The following CPM variants were observed in gnomAD, a reference collection of about 807,000 sequenced individuals.
CPM encodes the protein carboxypeptidase M.
A neutral mutation model predicts 46.4 loss-of-function variants in CPM; 35 were observed. That is an observed-to-expected ratio of 0.75 (90% confidence interval 0.58 to 1.00). The LOEUF (loss-of-function observed/expected upper bound fraction) is 1.00, where lower values mean the gene tolerates loss of function less well. CPM is among the 50% of genes least tolerant of loss of function. The pLI, the probability that CPM is intolerant of heterozygous loss-of-function variation, is 0.00. For synonymous variants in CPM, 195 were observed against 195.3 expected, an observed-to-expected ratio of 1.00 and a Z score of 0.01; for missense variants, 422 against 530.4, an observed-to-expected ratio of 0.80 and a Z score of 2.01.
At chr12:68,888,069 C>T (rs1886511659) in intron 2 of CPM, among the ~76,000 whole-genome samples, 1 of 152,150 alleles carries the variant, frequency 6.6e-6, no homozygotes, top group Non-Finnish European at 1.5e-5. Flanking sequence ...GCTGTTATAC[C>T]TGGCTTTTAA....
chr12:68,901,755 A>G (rs1887123229), intron 2 of CPM, among the ~76,000 whole-genome samples: 1 of 152,208 alleles, frequency 6.6e-6, no homozygotes, highest in Admixed American at 6.5e-5. Context: ...GGATGGAGTG[A>G]AGGGGAAGGA....
At chr12:68,907,907 C>T (rs1887421332) in intron 2 of CPM, among the ~76,000 whole-genome samples, 2 of 152,162 alleles carry the variant, frequency 1.3e-5, no homozygotes, top group Admixed American at 6.5e-5. Context: ...GGGCTCATTG[C>T]AATCTCCGCC....
chr12:68,906,083 G>A (rs748740907), intron 2 of CPM, among the ~76,000 whole-genome samples: 28 of 152,196 alleles, frequency 1.8e-4, no homozygotes, highest in Non-Finnish European at 1.5e-5. Context: ...GCACCAGGCT[G>A]TTTTCCTACC....
At chr12:68,858,519 G>C (rs2136215917) in intron 8 of CPM, among the ~76,000 whole-genome samples, 1 of 152,210 alleles carries the variant, frequency 6.6e-6, no homozygotes, top group East Asian at 1.9e-4. Context: ...TGAATTCTAA[G>C]GAACTTTATC....
intron 3 of CPM, among the ~76,000 whole-genome samples, chr12:68,880,919 T>G (rs998606644): frequency 6.6e-6 from 1 of 152,208 alleles, no homozygotes; most frequent in Non-Finnish European, 1.5e-5. Flanking sequence ...GGAAGGTCAC[T>G]GAAGACAAGA....
intron 7 of CPM, among the ~76,000 whole-genome samples, chr12:68,861,128 T>C (rs1885191874): frequency 1.3e-5 from 2 of 152,144 alleles, no homozygotes; most frequent in South Asian, 2.1e-4. Context: ...ATGATCTACC[T>C]TGGCCTCCCA....
intron 1 of CPM, among the ~76,000 whole-genome samples, chr12:68,945,077 G>T (rs969603785): frequency 1.3e-5 from 2 of 152,138 alleles, no homozygotes; most frequent in Non-Finnish European, 2.9e-5. Flanking sequence ...AATTGGGGAA[G>T]TCACAAATCT....
At chr12:68,942,185 G>A (rs118040512) in intron 1 of CPM, among the ~76,000 whole-genome samples, 2,256 of 152,256 alleles carry the variant, frequency 0.015, 81 homozygotes, top group East Asian at 0.14. Context: ...TCTAGAAATT[G>A]TGGCTGTGTT....
At chr12:68,894,497 C>A (rs1886786472) in intron 2 of CPM, among the ~76,000 whole-genome samples, 1 of 152,156 alleles carries the variant, frequency 6.6e-6, no homozygotes, top group Non-Finnish European at 1.5e-5. Context: ...CCACAGGAGG[C>A]AGGTTCCTTT....
chr12:68,845,389 A>G (rs1057196546), intron 5 of CPM: 5 of 210,254 alleles, frequency 2.4e-5, no homozygotes, highest in Admixed American at 1.2e-4. Flanking sequence ...AAATTATAAA[A>G]TGAGCTAACA....
At chr12:68,915,597 A>T (rs1144961) in intron 2 of CPM, among the ~76,000 whole-genome samples, 1 of 152,122 alleles carries the variant, frequency 6.6e-6, no homozygotes, top group African/African-American at 2.4e-5. Context: ...CCTACACTGC[A>T]CTGTTGACTG....
At chr12:68,945,958 T>A (rs1352552316) in intron 1 of CPM, among the ~76,000 whole-genome samples, 4 of 149,264 alleles carry the variant, frequency 2.7e-5, no homozygotes, top group Non-Finnish European at 5.9e-5. Flanking sequence ...GCTAAAGTGA[T>A]CCTGCCATCT....
At chr12:68,919,390 A>G (rs1887943257) in intron 2 of CPM, among the ~76,000 whole-genome samples, 1 of 152,196 alleles carries the variant, frequency 6.6e-6, no homozygotes, top group Non-Finnish European at 1.5e-5. Flanking sequence ...CTCCCTCACT[A>G]GCACATGTAA....
chr12:68,891,619 G>GT (rs1886656583), intron 2 of CPM, among the ~76,000 whole-genome samples: 1 of 152,238 alleles, frequency 6.6e-6, no homozygotes. Flanking sequence ...GGTACCAAGA[G>GT]TATCAGTATC....
chr12:68,918,424 A>T (rs1887899284), intron 2 of CPM, among the ~76,000 whole-genome samples: 1 of 152,180 alleles, frequency 6.6e-6, no homozygotes, highest in Admixed American at 6.5e-5. Context: ...ATACCTCCTG[A>T]GGAGTTCACA....
At chr12:68,929,636 C>T (rs971399722) in intron 2 of CPM, among the ~76,000 whole-genome samples, 1 of 152,040 alleles carries the variant, frequency 6.6e-6, no homozygotes, top group East Asian at 1.9e-4. Context: ...AAAATAAAAA[C>T]GTTTTTAAAA....
chr12:68,906,140 A>G (rs916498816), intron 2 of CPM, among the ~76,000 whole-genome samples: 20 of 152,146 alleles, frequency 1.3e-4, no homozygotes, highest in Non-Finnish European at 1.3e-4. Flanking sequence ...CTTTTGCTCT[A>G]CTTATAGAGT....
chr12:68,963,033 G>A (rs754949040), intron 1 of CPM: 3 of 152,616 alleles, frequency 2.0e-5, no homozygotes, highest in African/African-American at 4.8e-5. Flanking sequence ...ACATAGGCAG[G>A]GCCTCTTGAG....
intron 2 of CPM, among the ~76,000 whole-genome samples, chr12:68,916,309 T>G (rs967347153): frequency 2.6e-5 from 4 of 152,184 alleles, no homozygotes; most frequent in Non-Finnish European, 5.9e-5. Context: ...TTCCTTTCTG[T>G]GTGATCTGTG....
Sources: allele counts gnomAD v4.1 joint callset (sites outside exome capture counted in the v4.1 genomes callset), GRCh38; gene constraint gnomAD v4.1.1; transcripts MANE v1.5; gene names NCBI Gene and HGNC (gene_info 2026-07-23, HGNC 2026-07-21).